The following KHDRBS1 variants were observed in gnomAD, a reference collection of about 807,000 sequenced individuals.
KHDRBS1 encodes the protein KH domain-containing, RNA-binding, signal transduction-associated protein 1.
KHDRBS1 carries 7 observed loss-of-function variants against 48.4 expected under a neutral mutation model. The observed-to-expected ratio is 0.14, with a 90% CI of 0.08 to 0.27. The LOEUF (loss-of-function observed/expected upper bound fraction) is 0.27. Ranked by LOEUF, KHDRBS1 falls within the 10% of genes least tolerant of loss-of-function variation. The pLI is 1.00. For missense variants in KHDRBS1, 458 were observed against 601.2 expected, an observed-to-expected ratio of 0.76 and a Z score of 2.49; for synonymous variants, 241 against 235.8, an observed-to-expected ratio of 1.02 and a Z score of -0.20.
intron 7 of KHDRBS1, 95 bp downstream of exon 7, chr1:32,038,714 C>T (rs981057727): frequency 4.1e-6 from 5 of 1,216,662 alleles, no homozygotes; most frequent in East Asian, 2.5e-5. Context: ...CCCTAAGGAG[C>T]AGAATGGTTC....
intron 10 of KHDRBS1, among the ~76,000 whole-genome samples, chr1:32,053,330 A>G (rs1170367519): frequency 6.6e-6 from 1 of 152,232 alleles, no homozygotes; most frequent in African/African-American, 2.4e-5. Context: ...AAAATTTGCC[A>G]GGCAGACAAA....
chr1:32,014,078 C>G lies in KHDRBS1; in HGVS notation c.83C>G (p.Pro28Arg). ...TCCATGGACCCCTCCGGTGCCCACCCCTCGGTGCGTCAGACGCCGTCTCGG... is the reference window on the plus strand; with the variant it reads ...TCCATGGACCCCTCCGGTGCCCACCGCTCGGTGCGTCAGACGCCGTCTCGG... ...SGSMDPSGAHPSVRQTPSRQP... is the reference protein window; with the variant it reads ...SGSMDPSGAHRSVRQTPSRQP... Residue 28 changes from proline (P) to arginine (R), a missense_variant, in exon 1 of 9, where the codon CCC becomes CGC. Coordinates refer to ENST00000327300, the MANE Select transcript of KHDRBS1 (RefSeq NM_006559.3). 1 of 1,478,790 alleles carries G rather than the reference C, an allele frequency of 6.8e-7. No individual in the cohort carries two copies. Among genetic ancestry groups the G allele is most frequent in the Non-Finnish European group, 8.9e-7 (1 of 1,121,208 alleles). The allele number at this position is 1,478,790 out of a possible 1,614,324, so 91.6% of individuals were successfully genotyped here. A position where few individuals can be genotyped will look rare whatever the true frequency, so the allele number is the denominator to read the frequency against.
At chr1:32,033,612 T>C (rs1385345451) in intron 4 of KHDRBS1, among the ~76,000 whole-genome samples, 14 of 152,196 alleles carry the variant, frequency 9.2e-5, no homozygotes, top group Non-Finnish European at 2.1e-4. Flanking sequence ...ATTCTGATAT[T>C]TGGTTAACTA....
At chr1:32,029,262 T>C (rs1639035455) in intron 1 of KHDRBS1, among the ~76,000 whole-genome samples, 1 of 152,240 alleles carries the variant, frequency 6.6e-6, no homozygotes, top group Non-Finnish European at 1.5e-5. Context: ...ATGGTGGTGA[T>C]GGTTTCATGG....
At chr1:32,020,294 G>A (rs187420601) in intron 1 of KHDRBS1, among the ~76,000 whole-genome samples, 2 of 151,832 alleles carry the variant, frequency 1.3e-5, no homozygotes, top group South Asian at 2.1e-4. Context: ...GAAGCAGAAG[G>A]ATCACTTGAA....
At chr1:32,046,336 C>A (rs771045540), downstream of KHDRBS1, among the ~76,000 whole-genome samples, 21 of 152,104 alleles carry the variant, frequency 1.4e-4, no homozygotes, top group Non-Finnish European at 2.8e-4. Flanking sequence ...GTCTCAGCCT[C>A]CCGAGTACCT....
chr1:32,038,201 C>T (rs958299680), intron 6 of KHDRBS1, 165 bp downstream of exon 6: 143 of 1,130,504 alleles, frequency 1.3e-4, no homozygotes, highest in Non-Finnish European at 1.7e-4. Flanking sequence ...AAGATTTTTC[C>T]ATTTTAGGCA....
downstream of KHDRBS1, among the ~76,000 whole-genome samples, chr1:32,044,052 G>A (rs1639328163): frequency 6.6e-6 from 1 of 152,162 alleles, no homozygotes; most frequent in African/African-American, 2.4e-5. Context: ...GAGTTGTTAA[G>A]TTTTAGTTTA....
At chr1:32,022,777 C>G (rs112354365) in intron 1 of KHDRBS1, among the ~76,000 whole-genome samples, 5 of 152,042 alleles carry the variant, frequency 3.3e-5, no homozygotes, top group African/African-American at 1.2e-4. Context: ...TAGTCACCAG[C>G]TACTCGGGAG....
At chr1:32,029,292 CTCA>C (rs765532499) in intron 1 of KHDRBS1, among the ~76,000 whole-genome samples, 1 of 152,190 alleles carries the variant, frequency 6.6e-6, no homozygotes, top group Non-Finnish European at 1.5e-5. Flanking sequence ...TATCTCCACA[CTCA>C]TCATTGTATA....
chr1:32,032,493 T>C (rs1032683645), intron 3 of KHDRBS1, among the ~76,000 whole-genome samples: 15 of 152,360 alleles, frequency 9.8e-5, no homozygotes, highest in Non-Finnish European at 2.1e-4. Flanking sequence ...GAGCTCGTGG[T>C]GATTAACAGC....
chr1:32,049,518 TC>T (rs1166198420), intron 10 of KHDRBS1, among the ~76,000 whole-genome samples: 1 of 152,128 alleles, frequency 6.6e-6, no homozygotes, highest in Admixed American at 6.5e-5. Context: ...TTGGATTATT[TC>T]TACTTTTTGG....
At chr1:32,038,642 T>C in intron 7 of KHDRBS1, 23 bp downstream of exon 7, 1 of 1,611,336 alleles carries the variant, frequency 6.2e-7, no homozygotes, top group Non-Finnish European at 8.5e-7. Flanking sequence ...GTATAAGCAC[T>C]GTTTTTTGTC....
chr1:32,026,028 C>A (rs540994917), intron 1 of KHDRBS1, among the ~76,000 whole-genome samples: 6 of 151,946 alleles, frequency 3.9e-5, no homozygotes, highest in Non-Finnish European at 8.8e-5. Context: ...AGTCATCCTG[C>A]TTCAGCCTCC....
intron 10 of KHDRBS1, among the ~76,000 whole-genome samples, chr1:32,050,082 A>G (rs755224864): frequency 6.6e-6 from 1 of 152,152 alleles, no homozygotes; most frequent in Non-Finnish European, 1.5e-5. Flanking sequence ...TATTATAGCT[A>G]TCTTTAGTGG....
At chr1:32,025,498 A>G (rs1449745447) in intron 1 of KHDRBS1, among the ~76,000 whole-genome samples, 1 of 150,568 alleles carries the variant, frequency 6.6e-6, no homozygotes, top group Non-Finnish European at 1.5e-5. Flanking sequence ...ATGGGGTTTC[A>G]CTGTATTGGT....
intron 7 of KHDRBS1, 78 bp downstream of exon 7, chr1:32,038,697 A>T (rs1246973673): frequency 1.5e-6 from 2 of 1,378,278 alleles, no homozygotes; most frequent in East Asian, 4.7e-5. Flanking sequence ...AGATTTAGAC[A>T]GTACAACCCT....
intron 10 of KHDRBS1, among the ~76,000 whole-genome samples, chr1:32,049,403 A>G (rs1639391933): frequency 6.7e-6 from 1 of 150,346 alleles, no homozygotes; most frequent in Non-Finnish European, 1.5e-5. Flanking sequence ...TCCATGTTGT[A>G]GCATGTATCC....
At chr1:32,034,556 A>G (rs1367373426) in intron 4 of KHDRBS1, among the ~76,000 whole-genome samples, 3 of 152,130 alleles carry the variant, frequency 2.0e-5, no homozygotes, top group Admixed American at 6.5e-5. Flanking sequence ...GTGAAACTCC[A>G]TCTCCAAAAA....
Sources: allele counts gnomAD v4.1 joint callset (sites outside exome capture counted in the v4.1 genomes callset), GRCh38; gene constraint gnomAD v4.1.1; transcripts MANE v1.5; gene names NCBI Gene and HGNC (gene_info 2026-07-23, HGNC 2026-07-21).